SLC25A45: variants seen among roughly 807,000 people sequenced by gnomAD.
SLC25A45 encodes solute carrier family 25 member 45, also known as methylated amino-acid transporter SLC25A45.
Under a neutral mutation model 23.0 loss-of-function variants are expected in SLC25A45, and 22 were observed. That is an observed-to-expected ratio of 0.95 (90% CI 0.68 to 1.36). SLC25A45 has a LOEUF of 1.36. Among genes scored for constraint, SLC25A45 ranks in the 40% most tolerant of loss-of-function variants. The probability of loss-of-function intolerance (pLI) is 0.00; values close to 1 mark genes in which losing one functional copy is unlikely to be tolerated. For synonymous variants in SLC25A45, 136 were observed against 155.0 expected, an observed-to-expected ratio of 0.88 and a Z score of 0.91; for missense variants, 355 against 383.5, an observed-to-expected ratio of 0.93 and a Z score of 0.62.
At chr11:65,381,516 C>T (rs559431488) in intron 2 of SLC25A45, 4 of 197,754 alleles carry the variant, frequency 2.0e-5, no homozygotes, top group South Asian at 1.5e-4. Context: ...ACCTCAGCCT[C>T]GCAAAGTGCT....
intron 5 of SLC25A45, chr11:65,379,050 CT>C (rs1335505717): frequency 8.6e-6 from 3 of 348,674 alleles, no homozygotes; most frequent in Non-Finnish European, 1.6e-5. Flanking sequence ...CAAAGGTCTC[CT>C]TGGGGAGTGG....
chr11:65,379,026 T>G, intron 5 of SLC25A45: 1 of 297,944 alleles, frequency 3.4e-6, no homozygotes. Context: ...GGGGTGCTGG[T>G]GGTTCTCCAG....
rs578094396 is a variant in SLC25A45 at position 65,375,990 on chromosome 11, A to G, written c.*417T>C. On this transcript the variant is annotated 3_prime_UTR_variant, in exon 7 of 7. Transcript: ENST00000398802. ...GGCAGGAGAGTTGCTTGAACCCGGA[A>G]GGTGGAAAGGCGGAGGTTGCAGTGA... 5.7e-5 allele frequency: 10 copies of G among 175,948 alleles called. No individual in the cohort carries two copies. Among genetic ancestry groups the G allele is most frequent in the Admixed American group, 3.3e-4 (6 of 17,950 alleles). The allele number at this position is 175,948 out of a possible 1,614,324, so 10.9% of individuals were successfully genotyped here. A position where few individuals can be genotyped will look rare whatever the true frequency, so the allele number is the denominator to read the frequency against.
chr11:65,375,793 T>C lies in SLC25A45; in HGVS notation c.*614A>G, dbSNP rs534924825. ...AAGAGGTGAAGGCAGCCGGGCGCGGTGGCTCACGCCTGTAATCCCAGCACT... is the reference window on the plus strand; with the variant it reads ...AAGAGGTGAAGGCAGCCGGGCGCGGCGGCTCACGCCTGTAATCCCAGCACT... On this transcript the variant is annotated 3_prime_UTR_variant, in exon 7 of 7. Transcript: ENST00000398802. 300 of 152,696 alleles carry C rather than the reference T, an allele frequency of 2.0e-3. No homozygotes were observed. The highest frequency in any genetic ancestry group is 2.6e-3 in the Non-Finnish European group (176 of 68,506). The allele number at this position is 152,696 out of a possible 1,614,324, so 9.5% of individuals were successfully genotyped here. A position where few individuals can be genotyped will look rare whatever the true frequency, so the allele number is the denominator to read the frequency against.
chr11:65,382,804 G>C (rs1855641661), upstream of SLC25A45: 1 of 152,256 alleles, frequency 6.6e-6, no homozygotes. The surrounding 1 kb of genome is among the most constrained non-coding windows in gnomAD (Gnocchi z 4.4). Flanking sequence ...CCTGTGGACT[G>C]GCTCTTCCCT....
chr11:65,382,984 G>A (rs2137835237), upstream of SLC25A45: 1 of 152,408 alleles, frequency 6.6e-6, no homozygotes, highest in Non-Finnish European at 1.5e-5. The surrounding 1 kb of genome is among the most constrained non-coding windows in gnomAD (Gnocchi z 4.4). Context: ...GTCTGGACAG[G>A]GATCTCTGGG....
chr11:65,376,591 CG>C lies in SLC25A45; in HGVS notation c.682del (p.Arg228GlyfsTer7). 2 of 1,614,106 alleles carry C rather than the reference CG, an allele frequency of 1.2e-6. No individual in the cohort carries two copies. Among genetic ancestry groups the C allele is most frequent in the Middle Eastern group, 3.3e-4 (2 of 6,062 alleles). ...AATPLDMIKS[R>X]MQMDGLRRRV... is the part of the protein sequence containing the mutation. ...GCGTCTCAGTCCATCCATCTGCATC[CG>C]GGACTTGATCATGTCTAAGGGCGTG... On this transcript the variant is annotated frameshift_variant, in exon 7 of 7. Transcript: ENST00000398802. LOFTEE classifies it low-confidence loss of function (END_TRUNC).
At chr11:65,377,932 T>C in intron 5 of SLC25A45, 1 of 152,498 alleles carries the variant, frequency 6.6e-6, no homozygotes, top group Admixed American at 6.5e-5. Flanking sequence ...GCTCAGTTCC[T>C]CAGCCCTGGA....
Position 65,379,374 on chromosome 11 carries a change from A to G in SLC25A45, c.339+2T>C, listed in dbSNP as rs1223145493. ...GTGTGTGCCCACTCACTGCCCCCTC[A>G]CCTGCAGGAACCCCCCGGTGCAGCC... On this transcript the variant is annotated splice_donor_variant, in intron 5 of 6. Coordinates refer to ENST00000398802, the MANE Select transcript of SLC25A45 (RefSeq NM_182556.4). LOFTEE classifies it high-confidence loss of function. 1 of 1,607,462 alleles carries G rather than the reference A, an allele frequency of 6.2e-7. No individual in the cohort carries two copies. The highest frequency in any genetic ancestry group is 1.3e-5 in the African/African-American group (1 of 74,798).
chr11:65,376,697 G>C (rs1855208790), intron 6 of SLC25A45, 22 bp from the exon 7 acceptor site: 1 of 1,613,340 alleles, frequency 6.2e-7, no homozygotes, highest in African/African-American at 1.3e-5. Flanking sequence ...AGAGCCCAGA[G>C]CAGGGGTCAG....
At chr11:65,380,483 T>G in intron 2 of SLC25A45, 12 of 1,314,866 alleles carry the variant, frequency 9.1e-6, no homozygotes, top group Middle Eastern at 1.9e-4. Flanking sequence ...TACCCGGGTA[T>G]CCCACCGCCT....
Position 65,376,535 on chromosome 11 carries a change from C to T in SLC25A45, c.739G>A (p.Val247Met). 6.2e-7 allele frequency: 1 copy of T among 1,614,206 alleles called. No homozygotes were observed. The highest frequency in any genetic ancestry group is 8.5e-7 in the Non-Finnish European group (1 of 1,180,034). The part of the protein sequence containing the change: ...RVYQGMLDCM[V>M]SSIRQEGLGV... Reference sequence around the variant, plus strand: ...AGTCCTTCCTGCCGGATGCTGCTCACCATGCAGTCCAGCATCCCCTGGTAC... The same window carrying T: ...AGTCCTTCCTGCCGGATGCTGCTCATCATGCAGTCCAGCATCCCCTGGTAC... The change falls in exon 7 of 7, where the codon GTG (valine) becomes ATG (methionine). Residue 247 changes from valine (V) to methionine (M), a missense_variant. Val to Met is a conservative substitution (Grantham distance 21). Transcript: ENST00000398802.
chr11:65,377,526 T>G, intron 5 of SLC25A45: 1 of 584,364 alleles, frequency 1.7e-6, no homozygotes, highest in Non-Finnish European at 2.2e-6. Flanking sequence ...GTGAGTGCTG[T>G]TCTCCTGCGC....
chr11:65,379,601 G>A (rs1565579499), intron 4 of SLC25A45, 40 bp from the exon 5 acceptor site: 1 of 1,560,532 alleles, frequency 6.4e-7, no homozygotes, highest in Non-Finnish European at 8.7e-7. Flanking sequence ...GGCACCGTGG[G>A]GCCTCCCCTT....
intron 5 of SLC25A45, 147 bp downstream of exon 5, chr11:65,379,229 G>A: frequency 1.1e-6 from 1 of 884,394 alleles, no homozygotes; most frequent in Non-Finnish European, 1.7e-6. Flanking sequence ...GAGGCCTGCA[G>A]CCTGGAAGGC....
intron 2 of SLC25A45, 74 bp from the exon 3 acceptor site, chr11:65,380,249 A>G: frequency 6.2e-7 from 1 of 1,609,578 alleles, no homozygotes; most frequent in Admixed American, 1.7e-5. Flanking sequence ...GCCAAGAGGA[A>G]AGAGGGGTTC....
In SLC25A45 at chr11:65,376,769, C is replaced by T. The variant is rs771671949; in HGVS notation, c.598+49G>A. 10 of 1,613,966 alleles carry T rather than the reference C, an allele frequency of 6.2e-6. No individual in the cohort carries two copies. In the African/African-American group the frequency reaches 9.3e-5, roughly 15 times the overall value. ...CTTCCCCAGTCCCCGCTGGACCCTG[C>T]CTGCTACCCACACCTCTGTCCCCCA... is the stretch of plus-strand genomic sequence containing the variant. On this transcript the variant is annotated intron_variant, in intron 6 of 6. Coordinates refer to ENST00000398802, the MANE Select transcript of SLC25A45 (RefSeq NM_182556.4).
At chr11:65,379,623 C>A in intron 4 of SLC25A45, 62 bp from the exon 5 acceptor site, 1 of 1,504,754 alleles carries the variant, frequency 6.6e-7, no homozygotes, top group Non-Finnish European at 9.0e-7. Context: ...GTCCTCTCCA[C>A]CCCTGGCAAG....
chr11:65,380,623 C>T (rs1855503129), intron 2 of SLC25A45: 1 of 1,291,798 alleles, frequency 7.7e-7, no homozygotes. Context: ...CCACGCAGAA[C>T]TGCAGGGCCC....
Sources: allele counts gnomAD v4.1 joint callset, GRCh38; gene constraint gnomAD v4.1.1; non-coding constraint Gnocchi (gnomAD v3.1); transcripts MANE v1.5; gene names NCBI Gene and HGNC (gene_info 2026-07-23, HGNC 2026-07-21).